TMEM17: variants seen among roughly 807,000 people sequenced by gnomAD.
TMEM17 encodes transmembrane protein 17.
Under a neutral mutation model 19.1 loss-of-function variants are expected in TMEM17, and 15 were observed. The ratio of observed to expected loss-of-function variants is 0.78; its 90% CI spans 0.52 to 1.21. The LOEUF (loss-of-function observed/expected upper bound fraction) is 1.21, where lower values mean the gene tolerates loss of function less well. TMEM17 is among the 50% of genes most tolerant of loss of function. TMEM17 has a pLI of 0.00. For synonymous variants in TMEM17, 103 were observed against 86.9 expected, an observed-to-expected ratio of 1.19 and a Z score of -1.03; for missense variants, 245 against 242.3, an observed-to-expected ratio of 1.01 and a Z score of -0.07.
the TMEM17 span, among the ~76,000 whole-genome samples, chr2:62,490,019 A>G: frequency 4.6e-5 from 7 of 152,190 alleles, no homozygotes; most frequent in African/African-American, 1.4e-4. Flanking sequence ...TAGTAAAAAT[A>G]CAAAAAATTA....
At chr2:62,494,675 A>G in the TMEM17 span, among the ~76,000 whole-genome samples, 1 of 152,160 alleles carries the variant, frequency 6.6e-6, no homozygotes, top group African/African-American at 2.4e-5. Context: ...AAAATTAAAG[A>G]CAAAGTCATT....
chr2:62,495,022 T>A, the TMEM17 span, among the ~76,000 whole-genome samples: 11 of 152,024 alleles, frequency 7.2e-5, no homozygotes, highest in African/African-American at 2.7e-4. Flanking sequence ...CTCAAAAAAA[T>A]AAAAAATAAA....
At chr2:62,502,390 T>C (rs752752611) in intron 3 of TMEM17, 47 bp downstream of exon 3, 6 of 1,338,958 alleles carry the variant, frequency 4.5e-6, no homozygotes, top group Admixed American at 1.8e-5. Flanking sequence ...TTATGAAAAC[T>C]GATTTCATTT....
chr2:62,458,213 C>A, the TMEM17 span, among the ~76,000 whole-genome samples: 1 of 152,198 alleles, frequency 6.6e-6, no homozygotes, highest in Non-Finnish European at 1.5e-5. Context: ...TTAGTCTGGG[C>A]GGATCCCAGG....
chr2:62,492,544 G>C, the TMEM17 span, among the ~76,000 whole-genome samples: 2 of 152,182 alleles, frequency 1.3e-5, no homozygotes. Flanking sequence ...AGTAAATGTG[G>C]CATTTCTATT....
At chr2:62,505,364 G>A (rs569530518) in intron 1 of TMEM17, among the ~76,000 whole-genome samples, 4 of 152,330 alleles carry the variant, frequency 2.6e-5, no homozygotes, top group African/African-American at 9.6e-5. Flanking sequence ...GTTACATATA[G>A]GGGAGGAGGA....
chr2:62,462,370 G>C, the TMEM17 span, among the ~76,000 whole-genome samples: 2 of 152,108 alleles, frequency 1.3e-5, no homozygotes, highest in African/African-American at 4.8e-5. Context: ...GTGTGACTTT[G>C]AACAAGTCAC....
chr2:62,505,362 T>C (rs1005501922), intron 1 of TMEM17, among the ~76,000 whole-genome samples: 3 of 152,120 alleles, frequency 2.0e-5, no homozygotes, highest in South Asian at 4.1e-4. Context: ...GAGTTACATA[T>C]AGGGGAGGAG....
chr2:62,454,996 T>C, the TMEM17 span, among the ~76,000 whole-genome samples: 10 of 152,326 alleles, frequency 6.6e-5, no homozygotes, highest in South Asian at 1.2e-3. Flanking sequence ...TGAGCCACTG[T>C]GCCCAGCCGA....
the TMEM17 span, among the ~76,000 whole-genome samples, chr2:62,490,134 C>T: frequency 3.4e-3 from 525 of 152,232 alleles, no homozygotes; most frequent in Non-Finnish European, 5.2e-3. Context: ...TGAGATGGTG[C>T]CACTGCACTC....
Position 62,501,167 on chromosome 2 carries a change from T to A in TMEM17, c.*42A>T. 6.3e-7 allele frequency: 1 copy of A among 1,583,532 alleles called. No homozygotes were observed. Among genetic ancestry groups the A allele is most frequent in the South Asian group, 1.2e-5 (1 of 86,414 alleles). ...TCTGATATTTTCCTAACTCTTACAG[T>A]CTCTAGAATGATCTGTCAGATTTTC... On this transcript the variant is annotated 3_prime_UTR_variant, in exon 4 of 4. Coordinates refer to ENST00000335390, the MANE Select transcript of TMEM17 (RefSeq NM_198276.3).
the TMEM17 span, among the ~76,000 whole-genome samples, chr2:62,471,806 C>G: frequency 1.3e-5 from 2 of 152,234 alleles, no homozygotes; most frequent in African/African-American, 4.8e-5. Context: ...GCTGGTGTGC[C>G]TTGCTGTTTG....
At chr2:62,479,848 C>T in the TMEM17 span, among the ~76,000 whole-genome samples, 1 of 138,384 alleles carries the variant, frequency 7.2e-6, no homozygotes, top group Non-Finnish European at 1.5e-5. Context: ...GGTCATGCCA[C>T]TGCACTCCAC....
At chr2:62,492,168 G>A in the TMEM17 span, among the ~76,000 whole-genome samples, 18,342 of 152,166 alleles carry the variant, frequency 0.12, 1,206 homozygotes, top group East Asian at 0.15. Context: ...CATGTGTTTA[G>A]AGAGAGGGAG....
chr2:62,466,161 G>A, the TMEM17 span, among the ~76,000 whole-genome samples: 1 of 152,158 alleles, frequency 6.6e-6, no homozygotes, highest in African/African-American at 2.4e-5. Context: ...AGTTTTCTAG[G>A]AGTTTGGAAT....
At chr2:62,461,267 C>G in the TMEM17 span, among the ~76,000 whole-genome samples, 33,105 of 152,144 alleles carry the variant, frequency 0.22, 4,576 homozygotes, top group African/African-American at 0.4. Flanking sequence ...TGGGATTTAA[C>G]GTAAACAGGC....
At chr2:62,464,749 T>C in the TMEM17 span, among the ~76,000 whole-genome samples, 1 of 152,146 alleles carries the variant, frequency 6.6e-6, no homozygotes, top group Non-Finnish European at 1.5e-5. Flanking sequence ...TTAAGGATAA[T>C]TTGGTGGACA....
the TMEM17 span, among the ~76,000 whole-genome samples, chr2:62,460,160 G>A: frequency 6.6e-6 from 1 of 152,178 alleles, no homozygotes; most frequent in East Asian, 1.9e-4. Flanking sequence ...GTGTACTCTG[G>A]TCTCAGGAAA....
chr2:62,485,434 C>G, the TMEM17 span, among the ~76,000 whole-genome samples: 1 of 152,210 alleles, frequency 6.6e-6, no homozygotes, highest in African/African-American at 2.4e-5. Flanking sequence ...ACTGGCCTTT[C>G]TAATTCTCAG....
Sources: allele counts gnomAD v4.1 joint callset (sites outside exome capture counted in the v4.1 genomes callset), GRCh38; gene constraint gnomAD v4.1.1; transcripts MANE v1.5; gene names NCBI Gene and HGNC (gene_info 2026-07-23, HGNC 2026-07-21).